Variants in ZNF844 observed in about 807,000 individuals in gnomAD.
The protein encoded by ZNF844 is zinc finger protein 844.
A neutral mutation model predicts 11.4 loss-of-function variants in ZNF844; 11 were observed. The observed-to-expected ratio is 0.97, with a 90% CI of 0.61 to 1.60. The LOEUF (loss-of-function observed/expected upper bound fraction) is 1.60, where lower values mean the gene tolerates loss of function less well. Ranked by LOEUF, ZNF844 falls within the 40% of genes most tolerant of loss-of-function variation. The pLI is 0.00. For synonymous variants in ZNF844, 248 were observed against 260.3 expected, an observed-to-expected ratio of 0.95 and a Z score of 0.46; for missense variants, 790 against 796.8, an observed-to-expected ratio of 0.99 and a Z score of 0.10.
rs1384954536 is a variant in ZNF844 at position 12,079,591 on chromosome 19, G to T, written c.*2470G>T. The T allele has an allele frequency of 6.6e-6, 1 of 151,592 alleles. No individual in the cohort carries two copies. Among genetic ancestry groups the T allele is most frequent in the East Asian group, 1.9e-4 (1 of 5,150 alleles). 9.4% of individuals were successfully genotyped at this position (151,592 alleles called of 1,614,324 possible). Reference sequence around the variant, plus strand: ...GAGAATCACTTGAACCCAGGAGCTGGATGTTGCAGTGACCCGAGATTACGC... The same window carrying T: ...GAGAATCACTTGAACCCAGGAGCTGTATGTTGCAGTGACCCGAGATTACGC... On this transcript the variant is annotated 3_prime_UTR_variant, in exon 4 of 4. Coordinates refer to ENST00000439326, the MANE Select transcript of ZNF844 (RefSeq NM_001136501.3).
chr19:12,069,178 C>CGTTT lies in ZNF844; in HGVS notation c.3+4302_3+4303insGTTT, dbSNP rs760998604. On this transcript the variant is annotated intron_variant, in intron 1 of 3. Coordinates refer to ENST00000439326, the MANE Select transcript of ZNF844 (RefSeq NM_001136501.3). ...TGACTTTTCTTTTTATTCTTTTATT[C>CGTTT]CTTTTTTTTTTTTTTTTTTTTTGAG... Among the ~76,000 whole-genome samples the CGTTT allele has an allele frequency of 1.9e-4, 26 of 137,486 alleles. 1 individual carries two copies. Among genetic ancestry groups the CGTTT allele is most frequent in the African/African-American group, 3.9e-4 (13 of 33,398 alleles). The allele number at this position is 137,486 out of a possible 152,430, so 90.2% of individuals were successfully genotyped here.
chr19:12,076,434 G>T lies in ZNF844; in HGVS notation c.1314G>T (p.Met438Ile), dbSNP rs1217386619. 2 of 1,613,746 alleles carry T rather than the reference G, an allele frequency of 1.2e-6. No individual in the cohort carries two copies. The highest frequency in any genetic ancestry group is 8.5e-7 in the Non-Finnish European group (1 of 1,179,972). ...TTCTTCCACTTCCTTTCGATATCAT[G>T]AAAGGACTCACACTGGAGAGAAACC... is the stretch of plus-strand genomic sequence containing the variant. ...PSFLPLPFDIMKGLTLERNRM... is the reference protein window; with the variant it reads ...PSFLPLPFDIIKGLTLERNRM... Residue 438 changes from methionine to isoleucine, a missense_variant, in exon 4 of 4, where the codon ATG becomes ATT. By Grantham distance (10) the Met-to-Ile change is conservative (BLOSUM62 1). Around this residue, in one of 3 missense-constraint regions of ZNF844, gnomAD observed 657 missense variants for 636.2 expected, o/e 1.03. Coordinates refer to ENST00000439326, the MANE Select transcript of ZNF844 (RefSeq NM_001136501.3).
rs965281069 is a variant in ZNF844, at chr19:12,080,783, T to G, written c.*3662T>G. 3 of 152,392 alleles carry G rather than the reference T, an allele frequency of 2.0e-5. No individual in the cohort carries two copies. Among genetic ancestry groups the G allele is most frequent in the African/African-American group, 4.8e-5 (2 of 41,440 alleles). 9.4% of individuals were successfully genotyped at this position (152,392 alleles called of 1,614,324 possible). ...TTTTCTTTTTTTTTGAGACAAGGTC[T>G]CTCTCTGTCACCCAGGCTGGAGTAG... On this transcript the variant is annotated 3_prime_UTR_variant, in exon 4 of 4. Coordinates refer to ENST00000439326, the MANE Select transcript of ZNF844 (RefSeq NM_001136501.3).
At chr19:12,073,484 T>C (rs1252839526) in intron 1 of ZNF844, among the ~76,000 whole-genome samples, 2 of 152,168 alleles carry the variant, frequency 1.3e-5, no homozygotes, top group Non-Finnish European at 2.9e-5. Flanking sequence ...AAAATTTCTA[T>C]TCATGAGTTT....
rs533375577 is a variant in ZNF844 at position 12,074,355 on chromosome 19, T to A, written c.131-6T>A. Reference sequence around the variant, plus strand: ...TCAGGATTCTTTTTCTGATTCTGTATTTTAGGAGAAAAATGGAAAGACCAG... The same window carrying A: ...TCAGGATTCTTTTTCTGATTCTGTAATTTAGGAGAAAAATGGAAAGACCAG... On this transcript the variant is annotated splice_region_variant and splice_polypyrimidine_tract_variant and intron_variant, in intron 2 of 3. Transcript: ENST00000439326. 81 of 1,522,810 alleles carry A rather than the reference T, an allele frequency of 5.3e-5. 1 individual carries two copies. The South Asian group carries it at 9.6e-4, about 18-fold the overall frequency. The allele number at this position is 1,522,810 out of a possible 1,614,324, so 94.3% of individuals were successfully genotyped here.
chr19:12,076,882 G>A lies in ZNF844; in HGVS notation c.1762G>A (p.Val588Ile). The A allele has an allele frequency of 6.4e-7, 1 of 1,570,038 alleles. No homozygotes were observed. Among genetic ancestry groups the A allele is most frequent in the South Asian group, 1.2e-5 (1 of 86,160 alleles). ...QCTEDRMPMN[V>I]KSVTKHSYLP... ...CACAGAGGACAGAATGCCTATGAAT[G>A]TAAAGAGTGTGACAAAGCATTCATA... is the stretch of plus-strand genomic sequence containing the variant. Residue 588 changes from valine to isoleucine, a missense_variant, in exon 4 of 4, where the codon GTA (valine) becomes ATA (isoleucine). Transcript: ENST00000439326.
At position 12,075,739 on chromosome 19, in the gene ZNF844, C is replaced by G; in HGVS notation, c.619C>G (p.Pro207Ala). Residue 207 changes from proline to alanine, a missense_variant, in exon 4 of 4, where the codon CCT (proline) becomes GCT (alanine). Coordinates refer to ENST00000439326, the MANE Select transcript of ZNF844 (RefSeq NM_001136501.3). The part of the protein sequence containing the change: ...YKCKFCGKAC[P>A]CLSIYLIHER... ...ATGTAAGTTTTGTGGGAAAGCCTGCCCTTGTCTCAGCATATATCTTATACA... is the reference window on the plus strand; with the variant it reads ...ATGTAAGTTTTGTGGGAAAGCCTGCGCTTGTCTCAGCATATATCTTATACA... The G allele has an allele frequency of 6.2e-7, 1 of 1,613,820 alleles. No individual in the cohort carries two copies. Among genetic ancestry groups the G allele is most frequent in the Non-Finnish European group, 8.5e-7 (1 of 1,179,924 alleles).
At chr19:12,066,196 G>A (rs2145540249) in intron 1 of ZNF844, among the ~76,000 whole-genome samples, 1 of 152,150 alleles carries the variant, frequency 6.6e-6, no homozygotes, top group East Asian at 2.0e-4. Flanking sequence ...AAAGTGCTGG[G>A]TTTACAGGTG....
rs1975668191 is a variant in ZNF844, at chr19:12,064,749, C to A, written c.-125C>A. Reference sequence around the variant, plus strand: ...TCGCCTCAGTCTTTGGCCCCTCCCGCCGGGTGAGGTTGGCACCCCGTTTTT... The same window carrying A: ...TCGCCTCAGTCTTTGGCCCCTCCCGACGGGTGAGGTTGGCACCCCGTTTTT... On this transcript the variant is annotated 5_prime_UTR_variant, in exon 1 of 4. Transcript: ENST00000439326. 2.9e-6 allele frequency: 3 copies of A among 1,020,506 alleles called. No individual in the cohort carries two copies. The highest frequency in any genetic ancestry group is 2.1e-4 in the Middle Eastern group (1 of 4,752). The allele number at this position is 1,020,506 out of a possible 1,614,324, so 63.2% of individuals were successfully genotyped here. A position where few individuals can be genotyped will look rare whatever the true frequency, so the allele number is the denominator to read the frequency against.
intron 1 of ZNF844, 65 bp downstream of exon 1, chr19:12,064,941 C>T: frequency 6.5e-7 from 1 of 1,530,232 alleles, no homozygotes; most frequent in Non-Finnish European, 8.8e-7. Context: ...CTGGTTGGAA[C>T]TGGCTGGAAC....
rs570245362 is a variant in ZNF844, at chr19:12,077,007, C to G, written c.1887C>G (p.Cys629Trp). The G allele has an allele frequency of 1.3e-6, 2 of 1,596,580 alleles. No individual in the cohort carries two copies. Among genetic ancestry groups the G allele is most frequent in the South Asian group, 1.1e-5 (1 of 88,880 alleles). ...AEKRSIIFLLCVYTKGCTLER... is the reference protein window; with the variant it reads ...AEKRSIIFLLWVYTKGCTLER... ...AGCGTTCAATTATTTTTCTTCTTTG[C>G]GTATACACAAAAGGATGCACACTGG... The change falls in exon 4 of 4, where the codon TGC becomes TGG. Residue 629 changes from cysteine to tryptophan, a missense_variant. Coordinates refer to ENST00000439326, the MANE Select transcript of ZNF844 (RefSeq NM_001136501.3).
Position 12,078,154 on chromosome 19 carries a change from T to A in ZNF844, c.*1033T>A, listed in dbSNP as rs1201254512. 1.3e-5 allele frequency: 2 copies of A among 152,760 alleles called. No individual in the cohort carries two copies. The highest frequency in any genetic ancestry group is 2.9e-5 in the Non-Finnish European group (2 of 69,110). 9.5% of individuals were successfully genotyped at this position (152,760 alleles called of 1,614,324 possible). A position where few individuals can be genotyped will look rare whatever the true frequency, so the allele number is the denominator to read the frequency against. ...GTTATTCTCTATTTTTTGTTGTTGT[T>A]TGAGATGAGTCTTGTTCTGTTGCCC... is the stretch of plus-strand genomic sequence containing the variant. On this transcript the variant is annotated 3_prime_UTR_variant, in exon 4 of 4. Transcript: ENST00000439326.
At position 12,076,499 on chromosome 19, in the gene ZNF844, C is replaced by T. The variant is rs746917288; in HGVS notation, c.1379C>T (p.Pro460Leu). Residue 460 changes from proline (P) to leucine (L), a missense_variant, in exon 4 of 4, where the codon CCT becomes CTT. Around this residue, in one of 3 missense-constraint regions of ZNF844, gnomAD observed 657 missense variants for 636.2 expected, o/e 1.03. Coordinates refer to ENST00000439326, the MANE Select transcript of ZNF844 (RefSeq NM_001136501.3). The part of the protein sequence containing the change: ...VSNVGKPSDL[P>L]HTFKCMEGLT... ...AATGTGGGAAAGCCTTCAGATCTGC[C>T]TCACACCTTCAAATGCATGGAAGGA... 2.5e-6 allele frequency: 4 copies of T among 1,610,420 alleles called. No individual in the cohort carries two copies. In the African/African-American group the frequency reaches 5.4e-5, roughly 22 times the overall value.
chr19:12,067,943 A>AGGAAAGAAGGAAG (rs1975709191), intron 1 of ZNF844, among the ~76,000 whole-genome samples: 1 of 79,356 alleles, frequency 1.3e-5, no homozygotes, highest in Admixed American at 1.1e-4. Context: ...AAAGAAAGAA[A>AGGAAAGAAGGAAG]GAAGGAAAGA....
At chr19:12,066,746 A>T (rs562052745) in intron 1 of ZNF844, among the ~76,000 whole-genome samples, 8 of 151,010 alleles carry the variant, frequency 5.3e-5, no homozygotes, top group Non-Finnish European at 1.2e-4. Context: ...CGGGGTTTCA[A>T]CGTGTTAGCC....
chr19:12,076,094 G>T lies in ZNF844; in HGVS notation c.974G>T (p.Cys325Phe). ...GCATTCAAGTGTCCCAGTTATCTTTGTAGACATGAAGTGACCCACTCTGGG... is the reference window on the plus strand; with the variant it reads ...GCATTCAAGTGTCCCAGTTATCTTTTTAGACATGAAGTGACCCACTCTGGG... ...GKAFKCPSYL[C>F]RHEVTHSGKK... The change falls in exon 4 of 4, where the codon TGT becomes TTT. Residue 325 changes from cysteine to phenylalanine, a missense_variant. Coordinates refer to ENST00000439326, the MANE Select transcript of ZNF844 (RefSeq NM_001136501.3). 5 of 1,566,266 alleles carry T rather than the reference G, an allele frequency of 3.2e-6. No homozygotes were observed. The highest frequency in any genetic ancestry group is 4.3e-6 in the Non-Finnish European group (5 of 1,154,694).
At chr19:12,073,936 G>A in intron 1 of ZNF844, 95 bp from the exon 2 acceptor site, 2 of 1,464,824 alleles carry the variant, frequency 1.4e-6, no homozygotes, top group Admixed American at 4.7e-5. Context: ...AATGTTTGGA[G>A]TCCACAGCAT....
At position 12,076,178 on chromosome 19, in the gene ZNF844, G is replaced by A; in HGVS notation, c.1058G>A (p.Arg353Lys). 1 of 1,584,002 alleles carries A rather than the reference G, an allele frequency of 6.3e-7. No individual in the cohort carries two copies. The highest frequency in any genetic ancestry group is 8.6e-7 in the Non-Finnish European group (1 of 1,164,376). The change falls in exon 4 of 4, where the codon AGA becomes AAA. Residue 353 changes from arginine to lysine, a missense_variant. Around this residue, in one of 3 missense-constraint regions of ZNF844, gnomAD observed 657 missense variants for 636.2 expected, o/e 1.03. Coordinates refer to ENST00000439326, the MANE Select transcript of ZNF844 (RefSeq NM_001136501.3). The part of the protein sequence containing the change: ...GKALSYLNFQ[R>K]HMKMHTRMRP... Reference sequence around the variant, plus strand: ...GCATTATCTTATCTTAACTTTCAAAGACACATGAAAATGCACACTAGAATG... The same window carrying A: ...GCATTATCTTATCTTAACTTTCAAAAACACATGAAAATGCACACTAGAATG...
At position 12,076,291 on chromosome 19, in the gene ZNF844, C is replaced by T. The variant is rs773498432; in HGVS notation, c.1171C>T (p.Leu391Phe). The T allele has an allele frequency of 1.9e-6, 3 of 1,613,886 alleles. No homozygotes were observed. Among genetic ancestry groups the T allele is most frequent in the Non-Finnish European group, 2.5e-6 (3 of 1,179,910 alleles). Residue 391 changes from leucine to phenylalanine, a missense_variant, in exon 4 of 4, where the codon CTT becomes TTT. Leu to Phe is a conservative substitution (Grantham distance 22). This residue lies in a region of ZNF844 where 657 missense variants were observed against 636.2 expected (regional missense o/e 1.03). Coordinates refer to ENST00000439326, the MANE Select transcript of ZNF844 (RefSeq NM_001136501.3). ...GAAAGAACTCACACTGGAGAGAAAC[C>T]TTATGAATGCAAGCACTGTGGTAAA... ...DMKELTLERNLMNASTVVKPS... is the reference protein window; with the variant it reads ...DMKELTLERNFMNASTVVKPS...
Sources: gnomAD v4.1 joint callset for allele counts (sites outside exome capture counted in the v4.1 genomes callset) on GRCh38, gnomAD v4.1.1 for gene constraint, gnomAD v4.1.1 regional missense constraint, MANE v1.5 for transcripts, NCBI Gene and HGNC (gene_info 2026-07-23, HGNC 2026-07-21) for gene names.